The following PFKFB3 variants were observed in gnomAD, a reference collection of about 807,000 sequenced individuals.
PFKFB3 encodes the protein 6-phosphofructo-2-kinase/fructose-2,6-bisphosphatase 3.
A neutral mutation model predicts 68.0 loss-of-function variants in PFKFB3; 33 were observed. The observed-to-expected ratio is 0.49, with a 90% confidence interval of 0.37 to 0.65. The LOEUF (loss-of-function observed/expected upper bound fraction) is 0.65. Ranked by LOEUF, PFKFB3 falls within the 30% of genes least tolerant of loss-of-function variation. The pLI, the probability that PFKFB3 is intolerant of heterozygous loss-of-function variation, is 0.00. For missense variants in PFKFB3, 586 were observed against 712.2 expected, an observed-to-expected ratio of 0.82 and a Z score of 2.02; for synonymous variants, 315 against 288.2, an observed-to-expected ratio of 1.09 and a Z score of -0.94.
chr10:6,300,917 T>A, the PFKFB3 span, among the ~76,000 whole-genome samples: 1 of 152,208 alleles, frequency 6.6e-6, no homozygotes, highest in African/African-American at 2.4e-5. Context: ...GACAGGAAGC[T>A]GTGGGTGCCA....
At chr10:6,309,282 C>T in the PFKFB3 span, among the ~76,000 whole-genome samples, 180 of 152,052 alleles carry the variant, frequency 1.2e-3, no homozygotes, top group African/African-American at 4.0e-3. Context: ...ATAATTTTTT[C>T]GCTGGGCGTG....
chr10:6,219,660 G>A lies in PFKFB3; in HGVS notation c.590G>A (p.Ser197Asn). 1 of 1,613,922 alleles carries A rather than the reference G, an allele frequency of 6.2e-7. No individual in the cohort carries two copies. The highest frequency in any genetic ancestry group is 1.1e-5 in the South Asian group (1 of 91,080). ...FMKRISCYEA[S>N]YQPLDPDKCD... is the part of the protein sequence containing the mutation. ...AAGAGGATCAGTTGCTATGAAGCCA[G>A]CTACCAGCCCCTCGACCCCGACAAA... Residue 197 changes from serine (S) to asparagine (N), a missense_variant, in exon 7 of 15, where the codon AGC (serine) becomes AAC (asparagine). Transcript: ENST00000379775.
chr10:6,239,683 T>C (rs550577268), downstream of PFKFB3, among the ~76,000 whole-genome samples: 7 of 151,682 alleles, frequency 4.6e-5, no homozygotes, highest in African/African-American at 1.7e-4. Context: ...CTTTCTAATA[T>C]TTTTTTTTGA....
intron 1 of PFKFB3, among the ~76,000 whole-genome samples, chr10:6,175,832 T>TA (rs1164210496): frequency 1.3e-5 from 2 of 152,200 alleles, no homozygotes; most frequent in Non-Finnish European, 2.9e-5. Context: ...CTGTTTTAGT[T>TA]AGAGTGGCTA....
At chr10:6,243,942 C>G (rs1846196163) in intron 14 of PFKFB3, among the ~76,000 whole-genome samples, 1 of 152,130 alleles carries the variant, frequency 6.6e-6, no homozygotes, top group Non-Finnish European at 1.5e-5. Flanking sequence ...CCAGGCTGGT[C>G]TCGAACTCCT....
chr10:6,220,862 G>A lies in PFKFB3; in HGVS notation c.828G>A (p.Lys276=). 6.2e-7 allele frequency: 1 copy of A among 1,610,586 alleles called. No individual in the cohort carries two copies. The highest frequency in any genetic ancestry group is 8.5e-7 in the Non-Finnish European group (1 of 1,179,924). ...GGDSGLSSRG[K]KFASALSKFV... is the part of the protein sequence containing the mutation. ...ACTCAGGCCTGTCCAGCCGGGGCAAGAAGGTGCGGGGTGTGCTGCCGCATG... is the reference window on the plus strand; with the variant it reads ...ACTCAGGCCTGTCCAGCCGGGGCAAAAAGGTGCGGGGTGTGCTGCCGCATG... Residue 276 remains lysine, a synonymous_variant, in exon 8 of 15, where the codon AAG becomes AAA. Coordinates refer to ENST00000379775, the MANE Select transcript of PFKFB3 (RefSeq NM_004566.4). This position sits in a 1 kb window ranked among gnomAD's most constrained non-coding sequence, Gnocchi z 4.1.
chr10:6,212,775 C>T (rs867692228), intron 1 of PFKFB3, among the ~76,000 whole-genome samples: 2 of 152,228 alleles, frequency 1.3e-5, no homozygotes, highest in African/African-American at 4.8e-5. Flanking sequence ...GCTGGGATCA[C>T]AGGCATGAAC....
intron 1 of PFKFB3, among the ~76,000 whole-genome samples, chr10:6,181,590 C>T (rs553709730): frequency 6.6e-6 from 1 of 151,972 alleles, no homozygotes; most frequent in Non-Finnish European, 1.5e-5. Flanking sequence ...GAGGCTGAGG[C>T]GGGAGGATTG....
intron 1 of PFKFB3, among the ~76,000 whole-genome samples, chr10:6,159,231 C>T (rs1841898456): frequency 6.6e-6 from 1 of 151,912 alleles, no homozygotes; most frequent in Non-Finnish European, 1.5e-5. Flanking sequence ...CCTGTTTCTA[C>T]TAGAAATACA....
At chr10:6,262,019 C>CAAAA in the PFKFB3 span, among the ~76,000 whole-genome samples, 2 of 144,692 alleles carry the variant, frequency 1.4e-5, no homozygotes, top group African/African-American at 5.1e-5. Context: ...AAACAAAAAA[C>CAAAA]AAAAAAAAAA....
chr10:6,214,702 G>A (rs2131942483), intron 2 of PFKFB3, among the ~76,000 whole-genome samples: 1 of 152,240 alleles, frequency 6.6e-6, no homozygotes, highest in Non-Finnish European at 1.5e-5. Context: ...TTGAAAGGAT[G>A]GTTTTTATGT....
chr10:6,291,803 C>T, the PFKFB3 span, among the ~76,000 whole-genome samples: 1 of 152,146 alleles, frequency 6.6e-6, no homozygotes, highest in Non-Finnish European at 1.5e-5. Context: ...AATTCTATTT[C>T]AGCTTTTAGT....
the PFKFB3 span, among the ~76,000 whole-genome samples, chr10:6,295,208 G>T: frequency 6.6e-6 from 1 of 151,924 alleles, no homozygotes; most frequent in Non-Finnish European, 1.5e-5. Context: ...AGGGTCTTAG[G>T]CTTGTAGATT....
intron 14 of PFKFB3, among the ~76,000 whole-genome samples, chr10:6,242,870 G>A (rs571890040): frequency 6.6e-6 from 1 of 152,370 alleles, no homozygotes; most frequent in African/African-American, 2.4e-5. Context: ...TTACAGGCGT[G>A]AGCCACTGCG....
intron 14 of PFKFB3, chr10:6,245,685 C>T (rs1350988741): frequency 6.6e-6 from 1 of 152,212 alleles, no homozygotes; most frequent in Non-Finnish European, 1.5e-5. Context: ...TCACCTCGGC[C>T]TCCCAAAATG....
Position 6,215,328 on chromosome 10 carries a change from G to C in PFKFB3, c.299+11G>C, listed in dbSNP as rs780448773. ...CATGAAAGTCCGGAAGTAAGGCTGG[G>C]CCGCGGGCGTAGGGCTGGGCTGTGG... On this transcript the variant is annotated intron_variant, in intron 3 of 14. Transcript: ENST00000379775. The surrounding 1 kb of genome is among the most constrained non-coding windows in gnomAD (Gnocchi z 4.3). The C allele has an allele frequency of 4.5e-5, 73 of 1,606,466 alleles. No individual in the cohort carries two copies. The highest frequency in any genetic ancestry group is 5.3e-5 in the Non-Finnish European group (62 of 1,173,630).
At chr10:6,199,466 C>G (rs1260523151), upstream of PFKFB3, among the ~76,000 whole-genome samples, 2 of 151,034 alleles carry the variant, frequency 1.3e-5, no homozygotes, top group African/African-American at 4.9e-5. Context: ...TATGTGAGCA[C>G]CTCACCAGGC....
At chr10:6,214,017 G>T (rs899169957) in intron 2 of PFKFB3, among the ~76,000 whole-genome samples, 3 of 152,094 alleles carry the variant, frequency 2.0e-5, no homozygotes, top group African/African-American at 7.2e-5. Flanking sequence ...GCCATCTCCA[G>T]CCACCTCAGT....
At chr10:6,216,469 G>C (rs1285302942) in intron 4 of PFKFB3, among the ~76,000 whole-genome samples, 1 of 151,796 alleles carries the variant, frequency 6.6e-6, no homozygotes, top group East Asian at 1.9e-4. Context: ...TTACTGTTTT[G>C]CTTGTTTGCT....
Sources: allele counts gnomAD v4.1 joint callset (sites outside exome capture counted in the v4.1 genomes callset), GRCh38; gene constraint gnomAD v4.1.1; non-coding constraint Gnocchi (gnomAD v3.1); transcripts MANE v1.5; gene names NCBI Gene and HGNC (gene_info 2026-07-23, HGNC 2026-07-21).